The following CLDN14 variants were observed in gnomAD, a reference collection of about 807,000 sequenced individuals.
CLDN14 encodes claudin-14.
A neutral mutation model predicts 2.1 loss-of-function variants in CLDN14; 2 were observed. The ratio of observed to expected loss-of-function variants is 0.96; its 90% CI spans 0.39 to 3.01. CLDN14 has a LOEUF of 3.01. Ranked by LOEUF, CLDN14 falls within the 30% of genes most tolerant of loss-of-function variation. The pLI is 0.09. For missense variants in CLDN14, 298 were observed against 328.0 expected, an observed-to-expected ratio of 0.91 and a Z score of 0.71; for synonymous variants, 136 against 154.4, an observed-to-expected ratio of 0.88 and a Z score of 0.88.
chr21:36,462,955 T>C (rs1258773743), intron 1 of CLDN14, among the ~76,000 whole-genome samples: 1 of 130,888 alleles, frequency 7.6e-6, no homozygotes, highest in African/African-American at 2.9e-5. Flanking sequence ...AAAAAAACAC[T>C]AGGAAATATA....
chr21:36,491,732 G>A (rs995126510), intron 2 of CLDN14, among the ~76,000 whole-genome samples: 6 of 152,174 alleles, frequency 3.9e-5, no homozygotes, highest in African/African-American at 4.8e-5. Flanking sequence ...AGTGGCGACT[G>A]TAGGAGGCCG....
intron 2 of CLDN14, among the ~76,000 whole-genome samples, chr21:36,509,999 CCA>C: frequency 6.6e-6 from 1 of 152,312 alleles, no homozygotes; most frequent in Admixed American, 6.5e-5. Context: ...TAGTGCCCTA[CCA>C]TAGACACCCT....
At chr21:36,570,001 G>A (rs779375785) in intron 1 of CLDN14, among the ~76,000 whole-genome samples, 4 of 152,180 alleles carry the variant, frequency 2.6e-5, no homozygotes, top group Non-Finnish European at 2.9e-5. Flanking sequence ...TGCCCACGGC[G>A]GTCAGGGTAC....
intron 1 of CLDN14, among the ~76,000 whole-genome samples, chr21:36,535,694 G>A (rs1407898149): frequency 2.6e-5 from 4 of 152,106 alleles, no homozygotes; most frequent in Non-Finnish European, 5.9e-5. Flanking sequence ...GCTCTGAGCA[G>A]GTGACTTAGT....
At chr21:36,550,873 C>T (rs1465526642) in intron 1 of CLDN14, among the ~76,000 whole-genome samples, 1 of 152,232 alleles carries the variant, frequency 6.6e-6, no homozygotes, top group Non-Finnish European at 1.5e-5. Context: ...CATGCTCACC[C>T]AGAACCTCAG....
chr21:36,466,293 G>A, intron 1 of CLDN14: 1 of 152,204 alleles, frequency 6.6e-6, no homozygotes, highest in East Asian at 1.9e-4. Context: ...TGCTGTATTA[G>A]TTTGTTCTCA....
chr21:36,540,253 A>G (rs11909578), intron 1 of CLDN14, among the ~76,000 whole-genome samples: 3 of 151,544 alleles, frequency 2.0e-5, no homozygotes. Context: ...GCATGTGGCC[A>G]ATGTACGTCC....
At chr21:36,532,007 G>A (rs1425818865) in intron 1 of CLDN14, 1 of 152,198 alleles carries the variant, frequency 6.6e-6, no homozygotes, top group Non-Finnish European at 1.5e-5. Context: ...TCATGGAAAA[G>A]TCACAGTGGC....
intron 1 of CLDN14, among the ~76,000 whole-genome samples, chr21:36,543,174 C>T (rs1041563819): frequency 4.6e-5 from 7 of 152,126 alleles, no homozygotes; most frequent in African/African-American, 1.7e-4. Context: ...GTAGAGGGAC[C>T]CCCAGTTTCC....
chr21:36,475,591 G>T (rs1220800813), intron 1 of CLDN14, among the ~76,000 whole-genome samples: 1 of 151,996 alleles, frequency 6.6e-6, no homozygotes, highest in African/African-American at 2.4e-5. Flanking sequence ...CACTCTGTTG[G>T]CCAGGCTGGA....
chr21:36,478,611 A>T (rs376020833), intron 1 of CLDN14, among the ~76,000 whole-genome samples: 1 of 152,212 alleles, frequency 6.6e-6, no homozygotes, highest in East Asian at 1.9e-4. Flanking sequence ...ATCTTTTCAC[A>T]GCAGACCTGG....
intron 2 of CLDN14, among the ~76,000 whole-genome samples, chr21:36,489,558 G>C (rs1297947690): frequency 1.3e-5 from 2 of 152,162 alleles, no homozygotes; most frequent in Admixed American, 1.3e-4. Context: ...GGACGAGGCA[G>C]CTGAGTAGCT....
rs2086693445 is a variant in CLDN14 at position 36,470,177 on chromosome 21, T to G, written c.-81-8401A>C. On this transcript the variant is annotated intron_variant, in intron 1 of 1. Transcript: ENST00000399135. The stretch of plus-strand genomic sequence containing the variant: ...ACTTTATCTAGGGGATGCAATGGAT[T>G]GACCTGGTCCCCCAAAAGAGATATG... Among the ~76,000 whole-genome samples, 3 of 152,218 alleles carry G rather than the reference T, an allele frequency of 2.0e-5. No homozygotes were observed. In the South Asian group the frequency reaches 6.2e-4, roughly 31 times the overall value.
In CLDN14 at chr21:36,573,256, A is replaced by G. The variant is rs2087721331; in HGVS notation, c.-220+3155T>C. 6.1e-5 allele frequency among the ~76,000 whole-genome samples: 9 copies of G among 148,722 alleles called. No homozygotes were observed. The South Asian group carries it at 1.9e-3, about 32-fold the overall frequency. On this transcript the variant is annotated intron_variant, in intron 1 of 2. Transcript: ENST00000342108. ...GCGGAGCTTGCAGTGAGCAGAGATC[A>G]TGCCAATGCACTCCAGCCTGGGTGA...
intron 1 of CLDN14, among the ~76,000 whole-genome samples, chr21:36,511,523 C>T (rs531994523): frequency 2.0e-5 from 3 of 152,210 alleles, no homozygotes; most frequent in East Asian, 1.9e-4. Flanking sequence ...AGCTGAGGAA[C>T]GTAAACTAAT....
intron 2 of CLDN14, chr21:36,486,432 A>G: frequency 7.1e-7 from 1 of 1,412,172 alleles, no homozygotes; most frequent in East Asian, 2.3e-5. Flanking sequence ...CTGCTCCTCC[A>G]TAGAAACCCG....
At position 36,461,004 on chromosome 21, in the gene CLDN14, C is replaced by T. The variant is rs2086559396; in HGVS notation, c.692G>A (p.Ser231Asn). 1.9e-6 allele frequency: 3 copies of T among 1,613,038 alleles called. No individual in the cohort carries two copies. The highest frequency in any genetic ancestry group is 2.5e-6 in the Non-Finnish European group (3 of 1,179,944). ...RAPSVTSATH[S>N]GYRLNDYV ...CACGTAGTCGTTCAGCCTGTACCCG[C>T]TGTGCGTGGCCGAGGTCACTGAGGG... is the stretch of plus-strand genomic sequence containing the variant. Residue 231 changes from serine to asparagine, a missense_variant, in exon 2 of 2, where the codon AGC becomes AAC. Physicochemically the swap from Ser to Asn is conservative, Grantham distance 46. Coordinates refer to ENST00000399135, the MANE Select transcript of CLDN14 (RefSeq NM_001146079.2).
chr21:36,521,599 G>A (rs1357982329), intron 1 of CLDN14, among the ~76,000 whole-genome samples: 1 of 152,216 alleles, frequency 6.6e-6, no homozygotes, highest in Non-Finnish European at 1.5e-5. Flanking sequence ...GTTTTGCCAA[G>A]GAAATAATAT....
Position 36,489,208 on chromosome 21 carries a change from AAGAGAG to A in CLDN14, c.-82+21149_-82+21154del, listed in dbSNP as rs551064855. The stretch of plus-strand genomic sequence containing the variant: ...ATGGGGGGCGGGAGAGAGAGAGAGA[AAGAGAG>A]AGAGAGAGAGAGAGAACATCCAAAA... On this transcript the variant is annotated intron_variant, in intron 2 of 2. Transcript: ENST00000342108. 6.7e-3 allele frequency among the ~76,000 whole-genome samples: 749 copies of A among 111,246 alleles called. 7 individuals carry two copies. The highest frequency in any genetic ancestry group is 0.028 in the African/African-American group (707 of 25,282). The allele number at this position is 111,246 out of a possible 152,430, so 73.0% of individuals were successfully genotyped here.
Sources: allele counts gnomAD v4.1 joint callset (sites outside exome capture counted in the v4.1 genomes callset), GRCh38; gene constraint gnomAD v4.1.1; transcripts MANE v1.5; gene names NCBI Gene and HGNC (gene_info 2026-07-23, HGNC 2026-07-21).